Variants in RABGAP1L observed in about 807,000 individuals in gnomAD.
RABGAP1L encodes RAB GTPase activating protein 1 like.
Under a neutral mutation model 137.7 loss-of-function variants are expected in RABGAP1L, and 63 were observed. The ratio of observed to expected loss-of-function variants is 0.46; its 90% CI spans 0.37 to 0.56. The LOEUF (loss-of-function observed/expected upper bound fraction) is 0.56, where lower values mean the gene tolerates loss of function less well. RABGAP1L is among the 20% of genes least tolerant of loss of function. RABGAP1L has a pLI of 0.00. For missense variants in RABGAP1L, 1,095 were observed against 1,244.0 expected (o/e 0.88, Z 1.80); for synonymous variants, 431 against 433.7 (o/e 0.99, Z 0.08).
At position 174,670,355 on chromosome 1, in the gene RABGAP1L, G is replaced by T. The variant is rs536038587; in HGVS notation, c.1825-13167G>T. On this transcript the variant is annotated intron_variant, in intron 14 of 25. Transcript: ENST00000681986. ...AAATAATCACATCATGGAGAATGGG[G>T]TATTCATGCTCAGAAGCATTTATAC... 2.6e-5 allele frequency among the ~76,000 whole-genome samples: 4 copies of T among 152,166 alleles called. No homozygotes were observed. In the East Asian group the frequency reaches 7.7e-4, roughly 29 times the overall value.
chr1:174,678,466 A>G (rs1450447096), intron 14 of RABGAP1L, among the ~76,000 whole-genome samples: 2 of 151,700 alleles, frequency 1.3e-5, no homozygotes, highest in African/African-American at 2.4e-5. Context: ...CCCACAAAAC[A>G]AAACAAAAAA....
intron 19 of RABGAP1L, chr1:174,934,987 G>A (rs1664515102): frequency 6.6e-6 from 1 of 152,168 alleles, no homozygotes; most frequent in Non-Finnish European, 1.5e-5. Flanking sequence ...TTACAGTAGA[G>A]AACACAGCAT....
intron 21 of RABGAP1L, 48 bp downstream of exon 21, chr1:174,969,435 G>A (rs1334945617): frequency 7.9e-6 from 11 of 1,398,608 alleles, no homozygotes; most frequent in Middle Eastern, 1.8e-4. Context: ...GGCAAAGACC[G>A]ATTTGCCCTC....
chr1:174,957,767 A>C, intron 20 of RABGAP1L: 3 of 895,180 alleles, frequency 3.4e-6, no homozygotes, highest in Non-Finnish European at 1.8e-6. Context: ...CAGTTGTGGC[A>C]AGTTCAATTC....
chr1:174,673,070 A>G (rs1441127227), intron 14 of RABGAP1L, among the ~76,000 whole-genome samples: 1 of 152,148 alleles, frequency 6.6e-6, no homozygotes, highest in African/African-American at 2.4e-5. Flanking sequence ...ATACATACAC[A>G]CATAAGAGTG....
At chr1:174,453,166 T>C (rs1655631979) in intron 13 of RABGAP1L, among the ~76,000 whole-genome samples, 1 of 152,214 alleles carries the variant, frequency 6.6e-6, no homozygotes, top group South Asian at 2.1e-4. Context: ...CCTCTTACTT[T>C]ATTACACTAA....
intron 13 of RABGAP1L, among the ~76,000 whole-genome samples, chr1:174,528,717 G>T (rs1664140098): frequency 6.6e-6 from 1 of 151,384 alleles, no homozygotes; most frequent in Non-Finnish European, 1.5e-5. Flanking sequence ...ATCTGCTTGG[G>T]GATCTGAGAG....
At chr1:174,739,311 T>C (rs1423843936) in intron 17 of RABGAP1L, among the ~76,000 whole-genome samples, 1 of 152,214 alleles carries the variant, frequency 6.6e-6, no homozygotes, top group African/African-American at 2.4e-5. Flanking sequence ...GTTTGCTAGA[T>C]AAATTACTTA....
At chr1:174,280,704 A>G (rs1032068249) in intron 10 of RABGAP1L, among the ~76,000 whole-genome samples, 4 of 152,220 alleles carry the variant, frequency 2.6e-5, no homozygotes, top group African/African-American at 9.6e-5. Flanking sequence ...AGAGCACTTA[A>G]CAAGAGGATG....
At chr1:174,677,537 G>A (rs1429129069) in intron 14 of RABGAP1L, among the ~76,000 whole-genome samples, 1 of 152,174 alleles carries the variant, frequency 6.6e-6, no homozygotes, top group East Asian at 1.9e-4. Context: ...ATTTCTTATG[G>A]CTAAGGTTGT....
intron 13 of RABGAP1L, among the ~76,000 whole-genome samples, chr1:174,431,400 T>C (rs1445460322): frequency 6.6e-6 from 1 of 152,208 alleles, no homozygotes; most frequent in East Asian, 1.9e-4. Context: ...ATGGGAAATG[T>C]AAGAAACGTT....
chr1:174,349,099 G>T (rs1181585200), intron 11 of RABGAP1L, among the ~76,000 whole-genome samples: 1 of 128,996 alleles, frequency 7.8e-6, no homozygotes, highest in African/African-American at 3.1e-5. Flanking sequence ...CTGGCCGGGC[G>T]GGGGGCTGAC....
chr1:174,962,201 C>CCG (rs571294172), intron 20 of RABGAP1L, among the ~76,000 whole-genome samples: 11 of 108,062 alleles, frequency 1.0e-4, no homozygotes. Flanking sequence ...AATACACCCC[C>CCG]CCCCCACACA....
intron 19 of RABGAP1L, among the ~76,000 whole-genome samples, chr1:174,896,250 A>G (rs1657150736): frequency 6.6e-6 from 1 of 152,160 alleles, no homozygotes; most frequent in African/African-American, 2.4e-5. Context: ...TCTTTTGAGA[A>G]GTGTCTGTTC....
rs545808173 is a variant in RABGAP1L, at chr1:174,580,013, C to T, written c.1711-57362C>T. Among the ~76,000 whole-genome samples, 15 of 152,260 alleles carry T rather than the reference C, an allele frequency of 9.9e-5. No individual in the cohort carries two copies. The East Asian group carries it at 1.5e-3, about 16-fold the overall frequency. On this transcript the variant is annotated intron_variant, in intron 13 of 25. Coordinates refer to ENST00000681986, the MANE Select transcript of RABGAP1L (RefSeq NM_001366446.1). ...TGACCTCAGGTGATCTGCCTTGCCT[C>T]GGCCTCCCAAAGTGCTGGGATTACA... is the stretch of plus-strand genomic sequence containing the variant.
rs1324012251 is a variant in RABGAP1L, at chr1:174,990,521, A to C, written c.*520A>C. 1 of 152,312 alleles carries C rather than the reference A, an allele frequency of 6.6e-6. No individual in the cohort carries two copies. The highest frequency in any genetic ancestry group is 2.4e-5 in the African/African-American group (1 of 41,440). The allele number at this position is 152,312 out of a possible 1,614,324, so 9.4% of individuals were successfully genotyped here. A position where few individuals can be genotyped will look rare whatever the true frequency, so the allele number is the denominator to read the frequency against. ...TGAGCCTGATTCCCAGGGAAGTGTT[A>C]ATCCTGTCCAAAGGAAAGAACCAAT... On this transcript the variant is annotated 3_prime_UTR_variant, in exon 26 of 26. Coordinates refer to ENST00000681986, the MANE Select transcript of RABGAP1L (RefSeq NM_001366446.1).
At chr1:174,415,652 C>T (rs1650464148) in intron 13 of RABGAP1L, among the ~76,000 whole-genome samples, 2 of 151,960 alleles carry the variant, frequency 1.3e-5, no homozygotes, top group Non-Finnish European at 2.9e-5. Flanking sequence ...ATCTTCAGTT[C>T]TGGTGTGAAG....
chr1:174,535,369 A>G (rs896140486), intron 13 of RABGAP1L, among the ~76,000 whole-genome samples: 12 of 152,310 alleles, frequency 7.9e-5, no homozygotes, highest in Middle Eastern at 3.4e-3. Context: ...TAGGTACTCA[A>G]TCAGCACTGA....
intron 1 of RABGAP1L, among the ~76,000 whole-genome samples, chr1:174,171,104 G>C (rs1242208377): frequency 6.6e-6 from 1 of 152,158 alleles, no homozygotes; most frequent in Non-Finnish European, 1.5e-5. Context: ...ATCTCTAGCA[G>C]CCTGAATTCT....
Sources: allele counts gnomAD v4.1 joint callset (sites outside exome capture counted in the v4.1 genomes callset), GRCh38; gene constraint gnomAD v4.1.1; transcripts MANE v1.5; gene names NCBI Gene and HGNC (gene_info 2026-07-23, HGNC 2026-07-21).